The following DPP10 variants were observed in gnomAD, a reference collection of about 807,000 sequenced individuals.
DPP10 encodes dipeptidyl peptidase like 10.
In DPP10, 33 loss-of-function variants were observed where a neutral mutation model predicts 120.9. That is an observed-to-expected ratio of 0.27 (90% CI 0.21 to 0.37). The LOEUF is 0.37. Among genes scored for constraint, DPP10 ranks in the 10% least tolerant of loss-of-function variants. The pLI, the probability that DPP10 is intolerant of heterozygous loss-of-function variation, is 1.00. For missense variants in DPP10, 816 were observed against 942.8 expected, an observed-to-expected ratio of 0.87 and a Z score of 1.76; for synonymous variants, 337 against 326.1, an observed-to-expected ratio of 1.03 and a Z score of -0.36.
chr2:114,564,328 C>G (rs188736059), intron 1 of DPP10, among the ~76,000 whole-genome samples: 1 of 151,878 alleles, frequency 6.6e-6, no homozygotes, highest in Non-Finnish European at 1.5e-5. Flanking sequence ...ATTATCTAAC[C>G]AAGCAGAAAC....
At chr2:114,447,604 A>C (rs114266746) in intron 1 of DPP10, among the ~76,000 whole-genome samples, 6 of 152,136 alleles carry the variant, frequency 3.9e-5, no homozygotes, top group Non-Finnish European at 5.9e-5. Context: ...TCCTATTCCT[A>C]ATCCTAAGAA....
intron 5 of DPP10, among the ~76,000 whole-genome samples, chr2:115,649,753 T>TG (rs2087586050): frequency 6.6e-6 from 1 of 152,144 alleles, no homozygotes; most frequent in Non-Finnish European, 1.5e-5. Flanking sequence ...TTTCAGAATA[T>TG]GTACTACCTT....
At chr2:114,480,176 G>T (rs1573450155) in intron 1 of DPP10, among the ~76,000 whole-genome samples, 1 of 151,578 alleles carries the variant, frequency 6.6e-6, no homozygotes, top group Admixed American at 6.6e-5. Flanking sequence ...ACACCAGTTA[G>T]AATGGCAATC....
rs528144803 is a variant in DPP10, at chr2:115,124,893, T to C, written c.61-184346T>C. 7.9e-5 allele frequency among the ~76,000 whole-genome samples: 12 copies of C among 152,324 alleles called. No homozygotes were observed. In the South Asian group the frequency reaches 2.5e-3, roughly 32 times the overall value. ...GTGGAGTTACTCTGATTCTGTTCTTTGACTTTCTAGGGATTAATGCTGGAT... is the reference window on the plus strand; with the variant it reads ...GTGGAGTTACTCTGATTCTGTTCTTCGACTTTCTAGGGATTAATGCTGGAT... On this transcript the variant is annotated intron_variant, in intron 1 of 25. Transcript: ENST00000410059.
At chr2:115,312,227 C>T (rs2061607999) in intron 2 of DPP10, among the ~76,000 whole-genome samples, 1 of 152,118 alleles carries the variant, frequency 6.6e-6, no homozygotes, top group African/African-American at 2.4e-5. Flanking sequence ...CTACTTTATA[C>T]AGAGAGTGTT....
chr2:114,513,604 G>GAAAGGAAGGAAGGGAGGAA (rs1684348700), intron 1 of DPP10, among the ~76,000 whole-genome samples: 1 of 142,778 alleles, frequency 7.0e-6, no homozygotes, highest in Non-Finnish European at 1.5e-5. Context: ...AAAAACAGAA[G>GAAAGGAAGGAAGGGAGGAA]AAAGGAAGGA....
chr2:114,460,944 G>A (rs1308153689), intron 1 of DPP10, among the ~76,000 whole-genome samples: 1 of 152,170 alleles, frequency 6.6e-6, no homozygotes, highest in Non-Finnish European at 1.5e-5. Context: ...TGGCAAATGT[G>A]AGTTTAATGC....
intron 7 of DPP10, among the ~76,000 whole-genome samples, chr2:115,697,724 G>A (rs1193374888): frequency 5.9e-5 from 9 of 152,098 alleles, no homozygotes; most frequent in Non-Finnish European, 1.2e-4. Flanking sequence ...AGTGGCTGAC[G>A]CCTGTAATCC....
intron 1 of DPP10, among the ~76,000 whole-genome samples, chr2:114,686,751 T>A (rs1218374124): frequency 1.3e-5 from 2 of 151,952 alleles, no homozygotes; most frequent in Non-Finnish European, 2.9e-5. Context: ...AAAAACGCAA[T>A]AATTGTAGTC....
At chr2:114,546,515 A>G (rs972661808) in intron 1 of DPP10, among the ~76,000 whole-genome samples, 3 of 152,160 alleles carry the variant, frequency 2.0e-5, no homozygotes, top group Non-Finnish European at 2.9e-5. Flanking sequence ...TAGCCAAACT[A>G]TATTACTCAT....
chr2:115,430,448 A>G (rs1280599515), intron 3 of DPP10, among the ~76,000 whole-genome samples: 1 of 152,180 alleles, frequency 6.6e-6, no homozygotes, highest in Non-Finnish European at 1.5e-5. Context: ...GAGATTTAAC[A>G]TTTAAAACAG....
intron 3 of DPP10, among the ~76,000 whole-genome samples, chr2:115,445,657 G>A (rs148588780): frequency 0.023 from 3,569 of 152,230 alleles, 143 homozygotes; most frequent in African/African-American, 0.081. Flanking sequence ...TTTCTAAGCG[G>A]CAAAGCATTC....
chr2:114,782,474 T>G (rs922612130), intron 1 of DPP10, among the ~76,000 whole-genome samples: 3 of 152,010 alleles, frequency 2.0e-5, no homozygotes, highest in Non-Finnish European at 1.5e-5. Context: ...CTAATTCTAA[T>G]TTATACAAAC....
chr2:115,812,445 A>T (rs1686745370), intron 19 of DPP10, among the ~76,000 whole-genome samples: 1 of 152,130 alleles, frequency 6.6e-6, no homozygotes, highest in African/African-American at 2.4e-5. Context: ...CTGTATCAGG[A>T]TCAACTGGGC....
intron 3 of DPP10, among the ~76,000 whole-genome samples, chr2:115,379,806 A>G (rs958622611): frequency 2.6e-5 from 4 of 152,142 alleles, no homozygotes; most frequent in Admixed American, 2.0e-4. Flanking sequence ...TCATTTCATT[A>G]TGTACCCAGT....
chr2:115,168,681 A>G (rs1037568142), intron 1 of DPP10, among the ~76,000 whole-genome samples: 6 of 152,292 alleles, frequency 3.9e-5, no homozygotes, highest in Non-Finnish European at 5.9e-5. Context: ...ATCATTGACT[A>G]CATATTAACT....
rs948626725 is a variant in DPP10, at chr2:114,956,080, T to G, written c.61-353159T>G. Among the ~76,000 whole-genome samples the G allele has an allele frequency of 2.0e-5, 3 of 152,204 alleles. No individual in the cohort carries two copies. In the East Asian group the frequency reaches 5.8e-4, roughly 29 times the overall value. ...TCACCACTTTTATTCAACATAGTAC[T>G]GGATGTCTTAGCTAGAGTAATAAGA... On this transcript the variant is annotated intron_variant, in intron 1 of 25. Coordinates refer to ENST00000410059, the MANE Select transcript of DPP10 (RefSeq NM_020868.6).
intron 1 of DPP10, chr2:115,064,533 T>C (rs1191668568): frequency 1.8e-6 from 1 of 561,210 alleles, no homozygotes; most frequent in Non-Finnish European, 2.6e-6. Context: ...AAAGTCTGGC[T>C]GATAGGGGGT....
At chr2:115,577,053 G>A (rs2081714815) in intron 5 of DPP10, among the ~76,000 whole-genome samples, 1 of 152,200 alleles carries the variant, frequency 6.6e-6, no homozygotes, top group Admixed American at 6.5e-5. Flanking sequence ...GGAACAAGGA[G>A]ATGACAGATA....
Sources: gnomAD v4.1 joint callset for allele counts (sites outside exome capture counted in the v4.1 genomes callset) on GRCh38, gnomAD v4.1.1 for gene constraint, MANE v1.5 for transcripts, NCBI Gene and HGNC (gene_info 2026-07-23, HGNC 2026-07-21) for gene names.